The following OR6C4 variants were observed in gnomAD, a reference collection of about 807,000 sequenced individuals.
OR6C4 encodes olfactory receptor 6C4.
In OR6C4, 20 loss-of-function variants were observed where a neutral mutation model predicts 15.1. The ratio of observed to expected loss-of-function variants is 1.32; its 90% CI spans 0.93 to 1.92. OR6C4 has a LOEUF of 1.92. OR6C4 is among the 30% of genes most tolerant of loss of function. The pLI, the probability that OR6C4 is intolerant of heterozygous loss-of-function variation, is 0.00. For synonymous variants in OR6C4, 179 were observed against 134.2 expected (o/e 1.33, Z -2.31); for missense variants, 491 against 363.2 (o/e 1.35, Z -2.86).
chr12:55,551,702 T>A lies in OR6C4; in HGVS notation c.476T>A (p.Ile159Asn). 6.2e-7 allele frequency: 1 copy of A among 1,613,938 alleles called. No individual in the cohort carries two copies. Among genetic ancestry groups the A allele is most frequent in the Non-Finnish European group, 8.5e-7 (1 of 1,179,892 alleles). Residue 159 changes from isoleucine to asparagine, a missense_variant, in exon 2 of 2, where the codon ATC (isoleucine) becomes AAC (asparagine). Ile to Asn is a moderately radical substitution (Grantham distance 149). Coordinates refer to ENST00000641569, the MANE Select transcript of OR6C4 (RefSeq NM_001005494.2). Reference protein sequence around the residue: ...GGFLAILPPIILMTQVDFCVS... With the variant: ...GGFLAILPPINLMTQVDFCVS... ...TTCCTAGCAATCTTACCACCAATCA[T>A]CCTGATGACCCAGGTAGATTTCTGT... is the stretch of plus-strand genomic sequence containing the variant.
Position 55,552,053 on chromosome 12 carries a change from T to C in OR6C4, c.827T>C (p.Ile276Thr), listed in dbSNP as rs1873888859. Residue 276 changes from isoleucine to threonine, a missense_variant, in exon 2 of 2, where the codon ATT becomes ACT. Ile to Thr is a moderately conservative substitution (Grantham distance 89). Coordinates refer to ENST00000641569, the MANE Select transcript of OR6C4 (RefSeq NM_001005494.2). ...GAFNKGIAVL[I>T]TSVTPLLNPF... is the part of the protein sequence containing the mutation. ...TTCAACAAAGGAATAGCTGTACTCA[T>C]TACTTCGGTTACTCCCTTACTGAAT... 6.2e-7 allele frequency: 1 copy of C among 1,613,366 alleles called. No homozygotes were observed. Among genetic ancestry groups the C allele is most frequent in the Non-Finnish European group, 8.5e-7 (1 of 1,179,638 alleles).
In OR6C4 at chr12:55,555,427, C is replaced by T. The variant is rs1384561445; in HGVS notation, c.*3271C>T. The T allele has an allele frequency of 6.6e-6, 1 of 152,130 alleles. No individual in the cohort carries two copies. Among genetic ancestry groups the T allele is most frequent in the Non-Finnish European group, 1.5e-5 (1 of 68,040 alleles). 9.4% of individuals were successfully genotyped at this position (152,130 alleles called of 1,614,324 possible). A position where few individuals can be genotyped will look rare whatever the true frequency, so the allele number is the denominator to read the frequency against. On this transcript the variant is annotated 3_prime_UTR_variant, in exon 2 of 2. Coordinates refer to ENST00000641569, the MANE Select transcript of OR6C4 (RefSeq NM_001005494.2). ...TTTTTGGTTTTCCACTCCCGTATTACTTCACTTAGAATAACGACTTCCAGC... is the reference window on the plus strand; with the variant it reads ...TTTTTGGTTTTCCACTCCCGTATTATTTCACTTAGAATAACGACTTCCAGC...
Position 55,551,313 on chromosome 12 carries a change from G to C in OR6C4, c.87G>C (p.Leu29=). 1 of 1,613,514 alleles carries C rather than the reference G, an allele frequency of 6.2e-7. No individual in the cohort carries two copies. The highest frequency in any genetic ancestry group is 8.5e-7 in the Non-Finnish European group (1 of 1,179,648). The change falls in exon 2 of 2, where the codon CTG becomes CTC. Residue 29 remains leucine, a synonymous_variant. Transcript: ENST00000641569. Reference sequence around the variant, plus strand: ...TCCAAGTGATGATATTCATCTTTCTGTTCCTCACCTACATGCTAAGTATCC... The same window carrying C: ...TCCAAGTGATGATATTCATCTTTCTCTTCCTCACCTACATGCTAAGTATCC... ...PELQVMIFIF[L]FLTYMLSILG... is the part of the protein sequence containing the mutation.
At chr12:55,550,930 C>A (rs1873836348) in intron 1 of OR6C4, among the ~76,000 whole-genome samples, 1 of 151,974 alleles carries the variant, frequency 6.6e-6, no homozygotes, top group African/African-American at 2.4e-5. Flanking sequence ...TGAAAGGAAA[C>A]AACAGGTTCA....
In OR6C4 at chr12:55,551,980, A is replaced by G. The variant is rs1873884631; in HGVS notation, c.754A>G (p.Ser252Gly). ...HMIVISLSYG[S>G]CMFMYINPSA... ...GATTGTCATCTCCCTCTCTTATGGC[A>G]GCTGCATGTTTATGTACATTAATCC... The change falls in exon 2 of 2, where the codon AGC becomes GGC. Residue 252 changes from serine to glycine, a missense_variant. Physicochemically the swap from Ser to Gly is moderately conservative, Grantham distance 56. Coordinates refer to ENST00000641569, the MANE Select transcript of OR6C4 (RefSeq NM_001005494.2). 3 of 1,613,846 alleles carry G rather than the reference A, an allele frequency of 1.9e-6. No individual in the cohort carries two copies. The African/African-American group carries it at 4.0e-5, about 22-fold the overall frequency.
Position 55,551,181 on chromosome 12 carries a change from T to A in OR6C4, c.-18-28T>A. 3 of 1,363,286 alleles carry A rather than the reference T, an allele frequency of 2.2e-6. No homozygotes were observed. The East Asian group carries it at 6.9e-5, about 31-fold the overall frequency. 84.4% of individuals were successfully genotyped at this position (1,363,286 alleles called of 1,614,324 possible). On this transcript the variant is annotated intron_variant, in intron 1 of 1. Transcript: ENST00000641569. ...CTCCTACTCTAAGAAACTCTTCAAT[T>A]TTCATCATTCTCACCTTTTGCCTTT... is the stretch of plus-strand genomic sequence containing the variant.
At position 55,554,985 on chromosome 12, in the gene OR6C4, C is replaced by G. The variant is rs533984498; in HGVS notation, c.*2829C>G. The G allele has an allele frequency of 2.0e-5, 3 of 152,002 alleles. No homozygotes were observed. The highest frequency in any genetic ancestry group is 7.2e-5 in the African/African-American group (3 of 41,390). The allele number at this position is 152,002 out of a possible 1,614,324, so 9.4% of individuals were successfully genotyped here. A position where few individuals can be genotyped will look rare whatever the true frequency, so the allele number is the denominator to read the frequency against. On this transcript the variant is annotated 3_prime_UTR_variant, in exon 2 of 2. Transcript: ENST00000641569. ...GAACAGCCTGGCCAACACAGTGAAACCCCGTTTCTACTATTACATTGATAG... is the reference window on the plus strand; with the variant it reads ...GAACAGCCTGGCCAACACAGTGAAAGCCCGTTTCTACTATTACATTGATAG...
Position 55,554,273 on chromosome 12 carries a change from T to G in OR6C4, c.*2117T>G, listed in dbSNP as rs1873957859. ...TATCTATGGGAGAGACAGGATGTAT[T>G]AACATGCTGAGACAAGGAAGGAAGG... is the stretch of plus-strand genomic sequence containing the variant. On this transcript the variant is annotated 3_prime_UTR_variant, in exon 2 of 2. Coordinates refer to ENST00000641569, the MANE Select transcript of OR6C4 (RefSeq NM_001005494.2). The G allele has an allele frequency of 6.6e-6, 1 of 152,180 alleles. No individual in the cohort carries two copies. Among genetic ancestry groups the G allele is most frequent in the Non-Finnish European group, 1.5e-5 (1 of 68,014 alleles). The allele number at this position is 152,180 out of a possible 1,614,324, so 9.4% of individuals were successfully genotyped here.
rs1264336032 is a variant in OR6C4 at position 55,554,023 on chromosome 12, A to G, written c.*1867A>G. 6.6e-6 allele frequency: 1 copy of G among 152,230 alleles called. No homozygotes were observed. The highest frequency in any genetic ancestry group is 6.5e-5 in the Admixed American group (1 of 15,274). 9.4% of individuals were successfully genotyped at this position (152,230 alleles called of 1,614,324 possible). A position where few individuals can be genotyped will look rare whatever the true frequency, so the allele number is the denominator to read the frequency against. ...AAGGAACTGGAGCTTAACTAGAAAG[A>G]AGGCATTAAATTGGTTGGTTTAATA... On this transcript the variant is annotated 3_prime_UTR_variant, in exon 2 of 2. Transcript: ENST00000641569.
chr12:55,552,422 G>T lies in OR6C4; in HGVS notation c.*266G>T. ...GGAACAGTTGGAAAGAATTAGTTCT[G>T]TTTTCCATAAATTATTTGAAATTTA... On this transcript the variant is annotated 3_prime_UTR_variant, in exon 2 of 2. Coordinates refer to ENST00000641569, the MANE Select transcript of OR6C4 (RefSeq NM_001005494.2). 1 of 280,422 alleles carries T rather than the reference G, an allele frequency of 3.6e-6. No homozygotes were observed. The highest frequency in any genetic ancestry group is 7.5e-5 in the South Asian group (1 of 13,286). The allele number at this position is 280,422 out of a possible 1,614,324, so 17.4% of individuals were successfully genotyped here. A position where few individuals can be genotyped will look rare whatever the true frequency, so the allele number is the denominator to read the frequency against.
rs1422066236 is a variant in OR6C4, at chr12:55,555,654, T to G, written c.*3498T>G. On this transcript the variant is annotated 3_prime_UTR_variant, in exon 2 of 2. Coordinates refer to ENST00000641569, the MANE Select transcript of OR6C4 (RefSeq NM_001005494.2). ...TTAGCCTGGTGTGGTGGCACGTGCC[T>G]GTAGTTCCAGCTACTTGGGAGGCTA... The G allele has an allele frequency of 6.6e-6, 1 of 152,190 alleles. No homozygotes were observed. The highest frequency in any genetic ancestry group is 1.5e-5 in the Non-Finnish European group (1 of 68,080). 9.4% of individuals were successfully genotyped at this position (152,190 alleles called of 1,614,324 possible). A position where few individuals can be genotyped will look rare whatever the true frequency, so the allele number is the denominator to read the frequency against.
chr12:55,552,351 T>C lies in OR6C4; in HGVS notation c.*195T>C, dbSNP rs1183162186. 2.1e-6 allele frequency: 1 copy of C among 470,296 alleles called. No homozygotes were observed. Among genetic ancestry groups the C allele is most frequent in the African/African-American group, 2.1e-5 (1 of 48,552 alleles). The allele number at this position is 470,296 out of a possible 1,614,324, so 29.1% of individuals were successfully genotyped here. A position where few individuals can be genotyped will look rare whatever the true frequency, so the allele number is the denominator to read the frequency against. On this transcript the variant is annotated 3_prime_UTR_variant, in exon 2 of 2. Coordinates refer to ENST00000641569, the MANE Select transcript of OR6C4 (RefSeq NM_001005494.2). ...TGTAATAAATTTACAAAAAACAAAA[T>C]AATATTTTAATTGTTATTAGAGAAG...
Position 55,550,816 on chromosome 12 carries a change from A to G in OR6C4, c.-18-393A>G, listed in dbSNP as rs73326064. 1.2e-3 allele frequency among the ~76,000 whole-genome samples: 183 copies of G among 152,320 alleles called. 1 individual carries two copies. Among genetic ancestry groups the G allele is most frequent in the African/African-American group, 4.1e-3 (170 of 41,570 alleles). On this transcript the variant is annotated intron_variant, in intron 1 of 1. Coordinates refer to ENST00000641569, the MANE Select transcript of OR6C4 (RefSeq NM_001005494.2). The stretch of plus-strand genomic sequence containing the variant: ...GAAAGAAAGAAACAGGAAAGCACAG[A>G]AAACAGAATGAGGTAGAGAGATGTG...
Position 55,552,461 on chromosome 12 carries a change from A to T in OR6C4, c.*305A>T, listed in dbSNP as rs1294002153. Reference sequence around the variant, plus strand: ...ATTTGAAATTTAAGAAGCAAAACAGATTGTTTATTTAGAAGAGTAGGAGGA... The same window carrying T: ...ATTTGAAATTTAAGAAGCAAAACAGTTTGTTTATTTAGAAGAGTAGGAGGA... On this transcript the variant is annotated 3_prime_UTR_variant, in exon 2 of 2. Coordinates refer to ENST00000641569, the MANE Select transcript of OR6C4 (RefSeq NM_001005494.2). 4.5e-6 allele frequency: 1 copy of T among 222,692 alleles called. No individual in the cohort carries two copies. The highest frequency in any genetic ancestry group is 2.3e-5 in the African/African-American group (1 of 42,754). 13.8% of individuals were successfully genotyped at this position (222,692 alleles called of 1,614,324 possible).
rs78982301 is a variant in OR6C4 at position 55,551,551 on chromosome 12, G to T, written c.325G>T (p.Glu109Ter). 1 of 1,613,774 alleles carries T rather than the reference G, an allele frequency of 6.2e-7. No homozygotes were observed. The highest frequency in any genetic ancestry group is 8.5e-7 in the Non-Finnish European group (1 of 1,179,900). Residue 109 changes from glutamate (E) to a stop codon, truncating the protein, a stop_gained, in exon 2 of 2, where the codon GAG becomes TAG. Coordinates refer to ENST00000641569, the MANE Select transcript of OR6C4 (RefSeq NM_001005494.2). LOFTEE classifies it high-confidence loss of function. Reference protein sequence around the residue: ...YFFAIFLGATEFYLLASMSYD... With the variant: ...YFFAIFLGAT ...TTTTGCTATATTTCTTGGAGCTACC[G>T]AGTTTTACCTCCTGGCCTCCATGTC... is the stretch of plus-strand genomic sequence containing the variant.
rs141166213 is a variant in OR6C4, at chr12:55,551,630, G to A, written c.404G>A (p.Ser135Asn). The part of the protein sequence containing the change: ...CKPLHYLTIM[S>N]SRVCIQLVFC... ...CCCTTGCATTACCTGACTATTATGA[G>A]CAGCAGAGTCTGCATACAACTAGTG... The change falls in exon 2 of 2, where the codon AGC becomes AAC. Residue 135 changes from serine to asparagine, a missense_variant. Ser to Asn is a conservative substitution (Grantham distance 46, BLOSUM62 1). Coordinates refer to ENST00000641569, the MANE Select transcript of OR6C4 (RefSeq NM_001005494.2). 311 of 1,613,854 alleles carry A rather than the reference G, an allele frequency of 1.9e-4. 1 individual carries two copies. The highest frequency in any genetic ancestry group is 2.4e-4 in the Non-Finnish European group (283 of 1,179,950).
rs1260481900 is a variant in OR6C4, at chr12:55,553,810, G to C, written c.*1654G>C. On this transcript the variant is annotated 3_prime_UTR_variant, in exon 2 of 2. Coordinates refer to ENST00000641569, the MANE Select transcript of OR6C4 (RefSeq NM_001005494.2). ...TTTCAACTTTCTACCAAAGTTACCT[G>C]GGGATAGTTACTTGATCTCTCTAAG... The C allele has an allele frequency of 2.6e-5, 4 of 152,028 alleles. No homozygotes were observed. Among genetic ancestry groups the C allele is most frequent in the African/African-American group, 9.7e-5 (4 of 41,396 alleles). The allele number at this position is 152,028 out of a possible 1,614,324, so 9.4% of individuals were successfully genotyped here.
chr12:55,550,473 CTG>C (rs1179967042), intron 1 of OR6C4, among the ~76,000 whole-genome samples: 4 of 152,204 alleles, frequency 2.6e-5, no homozygotes, highest in Non-Finnish European at 5.9e-5. Context: ...GACTCTAAGA[CTG>C]AGAAAAATCC....
chr12:55,550,317 A>G (rs1185872775), intron 1 of OR6C4, among the ~76,000 whole-genome samples, 199 bp downstream of exon 1: 1 of 152,176 alleles, frequency 6.6e-6, no homozygotes, highest in Non-Finnish European at 1.5e-5. Flanking sequence ...TCACAATACT[A>G]CCACCAAATT....
Sources: gnomAD v4.1 joint callset for allele counts (sites outside exome capture counted in the v4.1 genomes callset) on GRCh38, gnomAD v4.1.1 for gene constraint, MANE v1.5 for transcripts, NCBI Gene and HGNC (gene_info 2026-07-23, HGNC 2026-07-21) for gene names.